CLUAP1: variants seen among roughly 807,000 people sequenced by gnomAD.
The protein encoded by CLUAP1 is intraflagellar transport 38.
In CLUAP1, 50 loss-of-function variants were observed where a neutral mutation model predicts 55.0. That is an observed-to-expected ratio of 0.91 (90% CI 0.72 to 1.15). CLUAP1 has a LOEUF of 1.15. CLUAP1 is among the 50% of genes most tolerant of loss of function. The probability of loss-of-function intolerance (pLI) is 0.00; values close to 1 mark genes in which losing one functional copy is unlikely to be tolerated. For synonymous variants in CLUAP1, 195 were observed against 175.4 expected (o/e 1.11, Z -0.88); for missense variants, 530 against 507.6 (o/e 1.04, Z -0.42).
Position 3,514,618 on chromosome 16 carries a change from C to G in CLUAP1, c.496-890C>G, listed in dbSNP as rs1292330552. On this transcript the variant is annotated intron_variant, in intron 5 of 11. Transcript: ENST00000576634. ...TGACTTATAAATAACAGATTTGTTT[C>G]TCACAGTTCTGGAGATTGGGAAGTT... 5.3e-5 allele frequency among the ~76,000 whole-genome samples: 8 copies of G among 152,222 alleles called. No homozygotes were observed. In the East Asian group the frequency reaches 1.5e-3, roughly 29 times the overall value.
chr16:3,496,369 C>A (rs1596376968), upstream of CLUAP1: 1 of 1,211,406 alleles, frequency 8.3e-7, no homozygotes, highest in Non-Finnish European at 1.2e-6. Context: ...TTATGAGTCG[C>A]ACCAACCGGC....
At chr16:3,512,605 A>G (rs1261655385) in intron 5 of CLUAP1, 127 bp downstream of exon 5, 1 of 670,910 alleles carries the variant, frequency 1.5e-6, no homozygotes, top group East Asian at 2.8e-5. Context: ...AATGTGTGGA[A>G]AGGTGATAGA....
chr16:3,507,196 A>C (rs2037524261), intron 3 of CLUAP1, among the ~76,000 whole-genome samples: 1 of 134,250 alleles, frequency 7.4e-6, no homozygotes, highest in African/African-American at 2.9e-5. Context: ...ACTCTGTCTT[A>C]AAAAAAAAAA....
chr16:3,520,117 A>AGCCCC, intron 7 of CLUAP1, 81 bp downstream of exon 7: 13 of 1,376,804 alleles, frequency 9.4e-6, no homozygotes, highest in Non-Finnish European at 1.2e-5. Flanking sequence ...TCATGTCTGA[A>AGCCCC]ATCTCAGCTA....
At chr16:3,533,852 A>G (rs2038178139) in intron 11 of CLUAP1, 1 of 152,362 alleles carries the variant, frequency 6.6e-6, no homozygotes, top group Non-Finnish European at 1.5e-5. Flanking sequence ...CACCCAAGAC[A>G]GAAGCAGAGG....
chr16:3,532,322 T>G (rs114117929), intron 10 of CLUAP1, among the ~76,000 whole-genome samples: 1 of 152,064 alleles, frequency 6.6e-6, no homozygotes, highest in Admixed American at 6.5e-5. Flanking sequence ...TAAATTTTTA[T>G]TTTAATACTA....
At chr16:3,535,223 C>T (rs1332945434) in intron 11 of CLUAP1, 2 of 152,878 alleles carry the variant, frequency 1.3e-5, no homozygotes, top group East Asian at 1.9e-4. Context: ...TTGACAGGAG[C>T]AGTGCTGGGG....
chr16:3,515,635 T>A (rs1213245106), intron 6 of CLUAP1, 44 bp downstream of exon 6: 1 of 1,337,446 alleles, frequency 7.5e-7, no homozygotes, highest in African/African-American at 1.5e-5. Flanking sequence ...ATGCCTGGGA[T>A]TCAAAAATAC....
chr16:3,496,291 C>A, upstream of CLUAP1: 4 of 862,034 alleles, frequency 4.6e-6, no homozygotes, highest in South Asian at 1.3e-5. Context: ...GTTTGTTGGT[C>A]AAGCTGTACA....
intron 1 of CLUAP1, among the ~76,000 whole-genome samples, 165 bp downstream of exon 1, chr16:3,501,254 A>C (rs2037394190): frequency 6.6e-6 from 1 of 152,234 alleles, no homozygotes; most frequent in Non-Finnish European, 1.5e-5. Context: ...AACCCGGCCG[A>C]GCGTCCCAGG....
At position 3,506,394 on chromosome 16, in the gene CLUAP1, T is replaced by G. The variant is rs1161255473; in HGVS notation, c.198T>G (p.Ile66Met). The G allele has an allele frequency of 6.2e-7, 1 of 1,613,834 alleles. No individual in the cohort carries two copies. Among genetic ancestry groups the G allele is most frequent in the Non-Finnish European group, 8.5e-7 (1 of 1,179,800 alleles). ...VDTEQDRVFFIKAIAQFMATK... is the reference protein window; with the variant it reads ...VDTEQDRVFFMKAIAQFMATK... ...CTGAACAGGACCGAGTTTTCTTCAT[T>G]AAGGCAATTGCCCAGTTCATGGTTA... The change falls in exon 3 of 12, where the codon ATT becomes ATG. Residue 66 changes from isoleucine (I) to methionine (M), a missense_variant. By Grantham distance (10) the Ile-to-Met change is conservative (BLOSUM62 1). Coordinates refer to ENST00000576634, the MANE Select transcript of CLUAP1 (RefSeq NM_015041.3).
At position 3,510,468 on chromosome 16, in the gene CLUAP1, G is replaced by C. The variant is rs541397642; in HGVS notation, c.400-1915G>C. On this transcript the variant is annotated intron_variant, in intron 4 of 11. Transcript: ENST00000576634. ...GGGTTTTTAACCAGGAGCGACACTC[G>C]TCAGCAAGAGAAGTGTCTAGAGATT... 1.4e-3 allele frequency among the ~76,000 whole-genome samples: 214 copies of C among 152,246 alleles called. 1 individual carries two copies. The highest frequency in any genetic ancestry group is 5.0e-3 in the African/African-American group (206 of 41,518).
chr16:3,527,272 C>T (rs543664855), intron 9 of CLUAP1, among the ~76,000 whole-genome samples: 1 of 152,128 alleles, frequency 6.6e-6, no homozygotes, highest in South Asian at 2.1e-4. Context: ...ACTCTTTATT[C>T]CAATATCATA....
At chr16:3,495,697 G>A in the CLUAP1 span, among the ~76,000 whole-genome samples, 3 of 152,188 alleles carry the variant, frequency 2.0e-5, no homozygotes, top group Non-Finnish European at 2.9e-5. Flanking sequence ...GACAGCTCTG[G>A]CAAACTGGAG....
upstream of CLUAP1, among the ~76,000 whole-genome samples, chr16:3,500,594 C>A (rs1395701394): frequency 6.6e-6 from 1 of 152,180 alleles, no homozygotes; most frequent in Non-Finnish European, 1.5e-5. Context: ...TGGTCTCGAA[C>A]TCCTGACCTC....
intron 10 of CLUAP1, 51 bp from the exon 11 acceptor site, chr16:3,532,735 G>C (rs2038150582): frequency 1.3e-6 from 2 of 1,591,388 alleles, no homozygotes; most frequent in South Asian, 2.2e-5. Context: ...GCTATTTCCT[G>C]CTTTATTTTC....
At chr16:3,528,568 C>A (rs1422671967) in intron 9 of CLUAP1, among the ~76,000 whole-genome samples, 1 of 152,122 alleles carries the variant, frequency 6.6e-6, no homozygotes, top group African/African-American at 2.4e-5. Context: ...GGGGTTTGTC[C>A]CTTGCGAGAG....
chr16:3,528,176 T>A (rs74005829), intron 9 of CLUAP1, among the ~76,000 whole-genome samples: 3,847 of 152,296 alleles, frequency 0.025, 150 homozygotes, highest in African/African-American at 0.082. Flanking sequence ...TCCTGCTGAA[T>A]TGATGGCCTT....
intron 9 of CLUAP1, among the ~76,000 whole-genome samples, chr16:3,529,976 G>T (rs1262747178): frequency 7.5e-6 from 1 of 132,774 alleles, no homozygotes; most frequent in East Asian, 2.1e-4. Context: ...TTAGTATTAG[G>T]TTATATTATT....
Sources: allele counts gnomAD v4.1 joint callset (sites outside exome capture counted in the v4.1 genomes callset), GRCh38; gene constraint gnomAD v4.1.1; transcripts MANE v1.5; gene names NCBI Gene and HGNC (gene_info 2026-07-23, HGNC 2026-07-21).